GADL1: variants seen among roughly 807,000 people sequenced by gnomAD.
GADL1 encodes acidic amino acid decarboxylase GADL1.
A neutral mutation model predicts 69.5 loss-of-function variants in GADL1; 71 were observed. The observed-to-expected ratio is 1.02, with a 90% CI of 0.84 to 1.25. The LOEUF is 1.25. GADL1 is among the 50% of genes most tolerant of loss of function. The pLI is 0.00. For synonymous variants in GADL1, 254 were observed against 214.4 expected, an observed-to-expected ratio of 1.18 and a Z score of -1.62; for missense variants, 737 against 631.8, an observed-to-expected ratio of 1.17 and a Z score of -1.79.
At chr3:30,854,125 T>C (rs1257202433) in intron 4 of GADL1, among the ~76,000 whole-genome samples, 1 of 152,152 alleles carries the variant, frequency 6.6e-6, no homozygotes, top group African/African-American at 2.4e-5. Context: ...TTTATACATG[T>C]CATTCTGTCT....
intron 14 of GADL1, among the ~76,000 whole-genome samples, chr3:30,775,154 A>G (rs1180529089): frequency 6.6e-6 from 1 of 152,210 alleles, no homozygotes; most frequent in Non-Finnish European, 1.5e-5. Flanking sequence ...AGTCTCACGT[A>G]CGTGCACATA....
At chr3:30,871,899 A>T (rs1698488151) in intron 1 of GADL1, among the ~76,000 whole-genome samples, 1 of 150,478 alleles carries the variant, frequency 6.6e-6, no homozygotes, top group African/African-American at 2.5e-5. Flanking sequence ...GCTTATTTTA[A>T]TTTCAGTAAT....
chr3:30,832,802 A>G (rs1697814040), intron 11 of GADL1, among the ~76,000 whole-genome samples: 2 of 152,058 alleles, frequency 1.3e-5, no homozygotes, highest in South Asian at 4.1e-4. Context: ...TAAAAATTAA[A>G]TGGTATTGAA....
chr3:30,863,470 C>A (rs1260834991), intron 1 of GADL1, among the ~76,000 whole-genome samples: 1 of 151,894 alleles, frequency 6.6e-6, no homozygotes, highest in Non-Finnish European at 1.5e-5. Context: ...TACTGCCTAC[C>A]CAAAATAGCC....
chr3:30,827,048 C>T (rs1310968673), intron 11 of GADL1, among the ~76,000 whole-genome samples: 2 of 151,958 alleles, frequency 1.3e-5, no homozygotes, highest in East Asian at 1.9e-4. Flanking sequence ...AAGGGTCATG[C>T]TTTGAGACTT....
intron 14 of GADL1, among the ~76,000 whole-genome samples, chr3:30,772,912 C>G (rs76300634): frequency 3.9e-5 from 6 of 151,964 alleles, no homozygotes; most frequent in Non-Finnish European, 8.8e-5. Flanking sequence ...TACCACAATG[C>G]CCGAAGCTTT....
intron 8 of GADL1, among the ~76,000 whole-genome samples, chr3:30,841,479 A>G (rs1275738054): frequency 6.6e-6 from 1 of 152,198 alleles, no homozygotes. Context: ...ATGACACTAA[A>G]AAAAAATGGG....
intron 9 of GADL1, among the ~76,000 whole-genome samples, chr3:30,836,988 T>C (rs890977177): frequency 1.9e-4 from 29 of 152,212 alleles, no homozygotes; most frequent in African/African-American, 6.5e-4. Context: ...CCCCCATTTT[T>C]TGTGTACTAC....
chr3:30,836,397 TAA>T (rs34081672), intron 9 of GADL1, among the ~76,000 whole-genome samples: 8 of 144,798 alleles, frequency 5.5e-5, no homozygotes, highest in Admixed American at 4.1e-4. Flanking sequence ...ATTTATTCCT[TAA>T]AAAAAAAAAA....
intron 11 of GADL1, among the ~76,000 whole-genome samples, chr3:30,829,678 A>AGGATGATTAAT (rs1170834167): frequency 1.3e-5 from 2 of 151,942 alleles, no homozygotes; most frequent in African/African-American, 4.8e-5. Context: ...GATACTTCTG[A>AGGATGATTAAT]GGATGATTAA....
intron 1 of GADL1, among the ~76,000 whole-genome samples, chr3:30,879,553 A>G (rs1468375114): frequency 2.6e-5 from 4 of 151,860 alleles, no homozygotes; most frequent in African/African-American, 7.2e-5. Context: ...GTTGCTTACC[A>G]TATTTCCATA....
intron 1 of GADL1, among the ~76,000 whole-genome samples, chr3:30,879,063 G>A (rs1011328945): frequency 8.6e-5 from 13 of 151,816 alleles, no homozygotes; most frequent in Non-Finnish European, 7.4e-5. Context: ...GAGTGGTGGA[G>A]TCCTTGGATC....
intron 12 of GADL1, among the ~76,000 whole-genome samples, chr3:30,794,402 C>G (rs1015467362): frequency 2.4e-4 from 36 of 152,038 alleles, no homozygotes; most frequent in Non-Finnish European, 2.5e-4. Flanking sequence ...TAGAAGGTGC[C>G]CTCAGCAACA....
chr3:30,888,502 C>T (rs2125547491), intron 1 of GADL1, among the ~76,000 whole-genome samples: 1 of 152,234 alleles, frequency 6.6e-6, no homozygotes, highest in South Asian at 2.1e-4. Flanking sequence ...TCCAAAATCC[C>T]TGAGTGTCAG....
At chr3:30,771,993 G>T (rs1190876084) in intron 14 of GADL1, among the ~76,000 whole-genome samples, 1 of 152,188 alleles carries the variant, frequency 6.6e-6, no homozygotes, top group Non-Finnish European at 1.5e-5. Flanking sequence ...CAAAGCAGCA[G>T]CCTGTGTAGA....
intron 2 of GADL1, among the ~76,000 whole-genome samples, chr3:30,858,357 G>A (rs1215756800): frequency 6.6e-6 from 1 of 152,064 alleles, no homozygotes. Flanking sequence ...TCATATTTGT[G>A]TTTGGGGCAA....
chr3:30,773,426 AC>A (rs57753778), intron 14 of GADL1, among the ~76,000 whole-genome samples: 30,925 of 152,054 alleles, frequency 0.2, 6,308 homozygotes, highest in African/African-American at 0.53. Context: ...TCACAAACAT[AC>A]ATTATAGAAA....
intron 4 of GADL1, among the ~76,000 whole-genome samples, chr3:30,853,276 C>A (rs1456309498): frequency 6.6e-6 from 1 of 152,156 alleles, no homozygotes; most frequent in Non-Finnish European, 1.5e-5. Context: ...TATATCAATG[C>A]ATGGGGCACA....
chr3:30,747,884 C>A (rs1233890501), intron 14 of GADL1, among the ~76,000 whole-genome samples: 1 of 152,116 alleles, frequency 6.6e-6, no homozygotes, highest in African/African-American at 2.4e-5. Flanking sequence ...GTTCCTGATT[C>A]ACAGCACCAG....
Sources: gnomAD v4.1 joint callset for allele counts (sites outside exome capture counted in the v4.1 genomes callset) on GRCh38, gnomAD v4.1.1 for gene constraint, MANE v1.5 for transcripts, NCBI Gene and HGNC (gene_info 2026-07-23, HGNC 2026-07-21) for gene names.